The following NACA variants were observed in gnomAD, a reference collection of about 807,000 sequenced individuals.
The protein encoded by NACA is nascent polypeptide associated complex subunit alpha.
In NACA, 42 loss-of-function variants were observed where a neutral mutation model predicts 86.4. The ratio of observed to expected loss-of-function variants is 0.49; its 90% confidence interval spans 0.38 to 0.63. The LOEUF is 0.63. Ranked by LOEUF, NACA falls within the 20% of genes least tolerant of loss-of-function variation. NACA has a pLI of 0.00. For synonymous variants in NACA, 898 were observed against 973.7 expected (o/e 0.92, Z 1.45); for missense variants, 2,157 against 2,483.6 (o/e 0.87, Z 2.80).
chr12:56,724,000 A>AC (rs1953644406), intron 2 of NACA, among the ~76,000 whole-genome samples: 1 of 152,118 alleles, frequency 6.6e-6, no homozygotes, highest in Non-Finnish European at 1.5e-5. Flanking sequence ...CACATTTACC[A>AC]CCAGCACACA....
At chr12:56,715,449 T>C (rs1953326801) in intron 3 of NACA, among the ~76,000 whole-genome samples, 1 of 152,090 alleles carries the variant, frequency 6.6e-6, no homozygotes, top group Non-Finnish European at 1.5e-5. Context: ...AGTCTAATAA[T>C]GGAAAAATAA....
At chr12:56,712,617 A>G in intron 8 of NACA, 65 bp from the exon 9 acceptor site, 2 of 1,601,664 alleles carry the variant, frequency 1.2e-6, no homozygotes, top group Non-Finnish European at 1.7e-6. Context: ...GGTCACTAAA[A>G]CTCTTACAGG....
Position 56,715,884 on chromosome 12 carries a change from C to T in NACA, c.5646G>A (p.Thr1882=), listed in dbSNP as rs750162555. ...VPTPSAKQPV[T]KNNKGSGTES... is the part of the protein sequence containing the mutation. ...CAAGGCAAATACCCTTGTTGTTCTT[C>T]GTAACAGGTTGCTTGGCAGAGGGGG... Residue 1882 remains threonine, a synonymous_variant, in exon 3 of 9, where the codon ACG becomes ACA. Coordinates refer to ENST00000454682, the MANE Select transcript of NACA (RefSeq NM_001365896.1). The T allele has an allele frequency of 2.0e-5, 30 of 1,515,538 alleles. No individual in the cohort carries two copies. The highest frequency in any genetic ancestry group is 2.3e-5 in the Non-Finnish European group (26 of 1,132,644). The allele number at this position is 1,515,538 out of a possible 1,614,324, so 93.9% of individuals were successfully genotyped here.
rs745641051 is a variant in NACA, at chr12:56,719,487, G to C, written c.2043C>G (p.Val681=). Residue 681 remains valine, a synonymous_variant, in exon 3 of 9, where the codon GTC becomes GTG. Coordinates refer to ENST00000454682, the MANE Select transcript of NACA (RefSeq NM_001365896.1). ...TTASPFLEGT[V]SLAPKNHPVK... ...CTGGGTGGTTTTTAGGAGCTAAAGA[G>C]ACAGTTCCTTCTAGAAAAGGGCTGG... The C allele has an allele frequency of 2.6e-5, 42 of 1,613,892 alleles. No homozygotes were observed. In the South Asian group the frequency reaches 4.0e-4, roughly 15 times the overall value.
intron 1 of NACA, 147 bp from the exon 2 acceptor site, chr12:56,724,670 T>C: frequency 1.3e-6 from 1 of 753,716 alleles, no homozygotes; most frequent in Non-Finnish European, 2.2e-6. Flanking sequence ...CCAAAGCACC[T>C]GGGAATAAGA....
At position 56,718,656 on chromosome 12, in the gene NACA, G is replaced by A; in HGVS notation, c.2874C>T (p.Ser958=). ...CTGGGGGTGTGGGGGCCCATTTCGGGGATGGGGTAGCTGGGCCTCCTTTAG... is the reference window on the plus strand; with the variant it reads ...CTGGGGGTGTGGGGGCCCATTTCGGAGATGGGGTAGCTGGGCCTCCTTTAG... ...PSPKGGPATP[S]PKWAPTPPAA... is the part of the protein sequence containing the mutation. The change falls in exon 3 of 9, where the codon TCC becomes TCT. Residue 958 remains serine, a synonymous_variant. Coordinates refer to ENST00000454682, the MANE Select transcript of NACA (RefSeq NM_001365896.1). 7.5e-7 allele frequency: 1 copy of A among 1,335,728 alleles called. No homozygotes were observed. Among genetic ancestry groups the A allele is most frequent in the Admixed American group, 2.6e-5 (1 of 39,040 alleles). The allele number at this position is 1,335,728 out of a possible 1,614,324, so 82.7% of individuals were successfully genotyped here. A position where few individuals can be genotyped will look rare whatever the true frequency, so the allele number is the denominator to read the frequency against.
rs1371306087 is a variant in NACA, at chr12:56,722,765, T to G, written c.71-1306A>C. Among the ~76,000 whole-genome samples, 6 of 152,034 alleles carry G rather than the reference T, an allele frequency of 3.9e-5. No individual in the cohort carries two copies. In the East Asian group the frequency reaches 1.2e-3, roughly 29 times the overall value. On this transcript the variant is annotated intron_variant, in intron 2 of 8. Coordinates refer to ENST00000454682, the MANE Select transcript of NACA (RefSeq NM_001365896.1). ...GATCCCCACTCCTTAACTTGGAATT[T>G]AAGTGTTTCATTATGTCAAAATACA...
In NACA at chr12:56,713,202, A is replaced by G; in HGVS notation, c.5971-12T>C. On this transcript the variant is annotated splice_polypyrimidine_tract_variant and intron_variant, in intron 6 of 8. Transcript: ENST00000454682. ...GATAAATCTTCGATCTACAGGGTAG[A>G]AAATACAGATCCATGTGAGTAGATT... 1 of 1,613,542 alleles carries G rather than the reference A, an allele frequency of 6.2e-7. No homozygotes were observed. Among genetic ancestry groups the G allele is most frequent in the South Asian group, 1.1e-5 (1 of 91,024 alleles).
Position 56,724,513 on chromosome 12 carries a change from G to A in NACA, c.9C>T (p.Gly3=), listed in dbSNP as rs762329474. The change falls in exon 2 of 9, where the codon GGC becomes GGT. Residue 3 remains glycine (G), a synonymous_variant. Transcript: ENST00000454682. ...TAGCAGGGACGGTTTCTGTGGCTTC[G>A]CCGGGCATTTCTGAAGGAAGGGAAT... MP[G]EATETVPATE... 7.4e-6 allele frequency: 12 copies of A among 1,612,024 alleles called. No individual in the cohort carries two copies. Among genetic ancestry groups the A allele is most frequent in the Admixed American group, 5.0e-5 (3 of 59,686 alleles).
chr12:56,713,027 G>T, intron 7 of NACA, 35 bp downstream of exon 7: 1 of 1,613,092 alleles, frequency 6.2e-7, no homozygotes, highest in Non-Finnish European at 8.5e-7. Flanking sequence ...ATGCTATACG[G>T]CGAGAGTTAA....
In NACA at chr12:56,716,480, C is replaced by T; in HGVS notation, c.5050G>A (p.Val1684Ile). The change falls in exon 3 of 9, where the codon GTA (valine) becomes ATA (isoleucine). Residue 1684 changes from valine to isoleucine, a missense_variant. Val to Ile is a conservative substitution (Grantham distance 29). Transcript: ENST00000454682. ...CTTTCTGGAGCTGGGGCAACAAGTA[C>T]TTCTTTCAGAGCTGTGGGGCCTTTC... is the stretch of plus-strand genomic sequence containing the variant. ...AKKGPTALKEVLVAPAPESTP... is the reference protein window; with the variant it reads ...AKKGPTALKEILVAPAPESTP... 2 of 1,541,560 alleles carry T rather than the reference C, an allele frequency of 1.3e-6. No homozygotes were observed. Among genetic ancestry groups the T allele is most frequent in the African/African-American group, 1.4e-5 (1 of 73,872 alleles).
chr12:56,719,630 G>C lies in NACA; in HGVS notation c.1900C>G (p.Pro634Ala). The change falls in exon 3 of 9, where the codon CCG becomes GCG. Residue 634 changes from proline (P) to alanine (A), a missense_variant. Pro to Ala is a conservative substitution (Grantham distance 27). This residue lies in a region of NACA where 947 missense variants were observed against 917.9 expected (regional missense o/e 1.03). Transcript: ENST00000454682. ...GTAATGAGAGAACTTTTGAGAAGCG[G>C]ACCAGCAGAGTCTGGGCCTGCATAA... Reference protein sequence around the residue: ...DSYAGPDSAGPLLKSSLITPT... With the variant: ...DSYAGPDSAGALLKSSLITPT... 1 of 1,613,918 alleles carries C rather than the reference G, an allele frequency of 6.2e-7. No homozygotes were observed. The highest frequency in any genetic ancestry group is 8.5e-7 in the Non-Finnish European group (1 of 1,179,862).
intron 5 of NACA, 62 bp downstream of exon 5, chr12:56,714,300 T>TA (rs1592309584): frequency 5.2e-6 from 8 of 1,541,676 alleles, no homozygotes; most frequent in East Asian, 2.2e-5. Flanking sequence ...CCTATGGAAA[T>TA]AAACAGTTCC....
chr12:56,721,004 A>G lies in NACA; in HGVS notation c.526T>C (p.Ser176Pro). 6.2e-7 allele frequency: 1 copy of G among 1,614,022 alleles called. No homozygotes were observed. Among genetic ancestry groups the G allele is most frequent in the Non-Finnish European group, 8.5e-7 (1 of 1,179,884 alleles). Residue 176 changes from serine (S) to proline (P), a missense_variant, in exon 3 of 9, where the codon TCA becomes CCA. By Grantham distance (74) the Ser-to-Pro change is moderately conservative. Transcript: ENST00000454682. Reference protein sequence around the residue: ...VAESGSVITLSAPIAPSEPKT... With the variant: ...VAESGSVITLPAPIAPSEPKT... ...GGTTCTGAGGGAGCAATGGGAGCTG[A>G]CAGAGTTATCACTGACCCTGACTCA...
chr12:56,721,375 G>T lies in NACA; in HGVS notation c.155C>A (p.Ala52Asp). ...AGCTGAGAGAGGGCACTGTTGTGGGGCAGGAGAGCAAGGAGGGGGGAGGGT... is the reference window on the plus strand; with the variant it reads ...AGCTGAGAGAGGGCACTGTTGTGGGTCAGGAGAGCAAGGAGGGGGGAGGGT... ...GPTLPPPCSPAPQQCPLSAAN... is the reference protein window; with the variant it reads ...GPTLPPPCSPDPQQCPLSAAN... The change falls in exon 3 of 9, where the codon GCC becomes GAC. Residue 52 changes from alanine to aspartate, a missense_variant. By Grantham distance (126) the Ala-to-Asp change is moderately radical (BLOSUM62 -2). Coordinates refer to ENST00000454682, the MANE Select transcript of NACA (RefSeq NM_001365896.1). 2 of 1,589,100 alleles carry T rather than the reference G, an allele frequency of 1.3e-6. No individual in the cohort carries two copies. The highest frequency in any genetic ancestry group is 1.7e-6 in the Non-Finnish European group (2 of 1,169,784).
chr12:56,713,506 C>A, intron 6 of NACA, 31 bp downstream of exon 6: 1 of 1,610,980 alleles, frequency 6.2e-7, no homozygotes, highest in South Asian at 1.1e-5. Context: ...AAACCCTGGT[C>A]TGGAACAATG....
chr12:56,722,224 G>C (rs1953592750), intron 2 of NACA, among the ~76,000 whole-genome samples: 1 of 152,196 alleles, frequency 6.6e-6, no homozygotes, highest in Admixed American at 6.5e-5. Context: ...CAAAAGGACT[G>C]TAATAGTCTC....
Position 56,714,378 on chromosome 12 carries a change from T to G in NACA, c.5807A>C (p.Glu1936Ala). The change falls in exon 5 of 9, where the codon GAA becomes GCA. Residue 1936 changes from glutamate to alanine, a missense_variant. This residue lies in a region of NACA where 81 missense variants were observed against 200.6 expected (regional missense o/e 0.40). Transcript: ENST00000454682. Reference sequence around the variant, plus strand: ...AAATCTTACCTTCCGTGCCTTCTTTTCACTCCGACTCTGTTTTGCTTTACT... The same window carrying G: ...AAATCTTACCTTCCGTGCCTTCTTTGCACTCCGACTCTGTTTTGCTTTACT... Reference protein sequence around the residue: ...PVSKAKQSRSEKKARKAMSKL... With the variant: ...PVSKAKQSRSAKKARKAMSKL... The G allele has an allele frequency of 6.2e-7, 1 of 1,614,234 alleles. No homozygotes were observed. The highest frequency in any genetic ancestry group is 8.5e-7 in the Non-Finnish European group (1 of 1,180,034).
chr12:56,721,446 C>A lies in NACA; in HGVS notation c.84G>T (p.Met28Ile). ...CAGCAGTGACACTCAAGGCTGAAGA[C>A]ATAGGTAGCACAGCTGGAGAAAGGC... ...QPQAETAVLPMSSALSVTAAL... is the reference protein window; with the variant it reads ...QPQAETAVLPISSALSVTAAL... Residue 28 changes from methionine (M) to isoleucine (I), a missense_variant, in exon 3 of 9, where the codon ATG (methionine) becomes ATT (isoleucine). Coordinates refer to ENST00000454682, the MANE Select transcript of NACA (RefSeq NM_001365896.1). 7 of 1,485,974 alleles carry A rather than the reference C, an allele frequency of 4.7e-6. No homozygotes were observed. Among genetic ancestry groups the A allele is most frequent in the South Asian group, 2.8e-5 (2 of 72,704 alleles). 92.0% of individuals were successfully genotyped at this position (1,485,974 alleles called of 1,614,324 possible). A position where few individuals can be genotyped will look rare whatever the true frequency, so the allele number is the denominator to read the frequency against.
Sources: gnomAD v4.1 joint callset for allele counts (sites outside exome capture counted in the v4.1 genomes callset) on GRCh38, gnomAD v4.1.1 for gene constraint, gnomAD v4.1.1 regional missense constraint, MANE v1.5 for transcripts, NCBI Gene and HGNC (gene_info 2026-07-23, HGNC 2026-07-21) for gene names.